TIAM1: variants seen among roughly 807,000 people sequenced by gnomAD.
The protein encoded by TIAM1 is TIAM Rac1 associated GEF 1.
A neutral mutation model predicts 163.5 loss-of-function variants in TIAM1; 65 were observed. That is an observed-to-expected ratio of 0.40 (90% CI 0.33 to 0.49). The LOEUF is 0.49. Among genes scored for constraint, TIAM1 ranks in the 20% least tolerant of loss-of-function variants. The pLI is 0.77. For missense variants in TIAM1, 1,789 were observed against 2,044.7 expected, an observed-to-expected ratio of 0.87 and a Z score of 2.41; for synonymous variants, 833 against 810.1, an observed-to-expected ratio of 1.03 and a Z score of -0.48.
At chr21:31,504,249 C>T (rs964034715) in intron 1 of TIAM1, among the ~76,000 whole-genome samples, 1 of 152,148 alleles carries the variant, frequency 6.6e-6, no homozygotes, top group African/African-American at 2.4e-5. Context: ...AGAGGGGTTG[C>T]CTTTGCAGGT....
intron 2 of TIAM1, among the ~76,000 whole-genome samples, chr21:31,399,665 G>C (rs534552436): frequency 6.6e-6 from 1 of 152,202 alleles, no homozygotes; most frequent in Non-Finnish European, 1.5e-5. Flanking sequence ...CTGTTACAAA[G>C]AGGTGTTATC....
chr21:31,156,447 T>C (rs145080189), intron 16 of TIAM1, among the ~76,000 whole-genome samples: 7 of 152,336 alleles, frequency 4.6e-5, no homozygotes, highest in African/African-American at 7.2e-5. Context: ...CTCAGCTCTA[T>C]GGTATGTAAA....
intron 1 of TIAM1, among the ~76,000 whole-genome samples, chr21:31,492,186 A>G (rs1221426454): frequency 6.6e-6 from 1 of 152,250 alleles, no homozygotes; most frequent in Non-Finnish European, 1.5e-5. Context: ...GGAGAAGTCA[A>G]GCTGGGAACT....
chr21:31,438,568 T>C (rs1250815393), intron 2 of TIAM1, among the ~76,000 whole-genome samples: 1 of 152,138 alleles, frequency 6.6e-6, no homozygotes, highest in Admixed American at 6.6e-5. Context: ...TGAAAAGATC[T>C]GTGCACAAAC....
intron 11 of TIAM1, 138 bp downstream of exon 11, chr21:31,209,907 T>C (rs2086637939): frequency 2.4e-6 from 2 of 833,984 alleles, no homozygotes. Context: ...AGGAATGCAA[T>C]GCTGCTCCGA....
chr21:31,185,259 G>C (rs560729667), intron 14 of TIAM1, among the ~76,000 whole-genome samples: 1 of 151,624 alleles, frequency 6.6e-6, no homozygotes, highest in African/African-American at 2.4e-5. Flanking sequence ...ATAGTGGGTC[G>C]AATAGAGTCC....
chr21:31,461,285 A>C (rs1020741320), intron 2 of TIAM1, among the ~76,000 whole-genome samples: 2 of 152,116 alleles, frequency 1.3e-5, no homozygotes, highest in Non-Finnish European at 2.9e-5. Context: ...GGAGTTCGAA[A>C]TCAGCCTGGT....
chr21:31,242,869 A>G (rs909684315), intron 6 of TIAM1, among the ~76,000 whole-genome samples: 8 of 150,202 alleles, frequency 5.3e-5, no homozygotes, highest in African/African-American at 1.9e-4. Context: ...TCAAAAAAAA[A>G]AAAAAAAAAA....
Position 31,516,404 on chromosome 21 carries a change from T to C in TIAM1, c.-422+42523A>G, listed in dbSNP as rs376676741. ...TCCAGTCTGGGTGACAAAGAGAGAC[T>C]CTGTCTCAAAACAATAAATAAAATT... is the stretch of plus-strand genomic sequence containing the variant. On this transcript the variant is annotated intron_variant, in intron 1 of 28. Transcript: ENST00000286827. 6.6e-5 allele frequency among the ~76,000 whole-genome samples: 10 copies of C among 152,184 alleles called. No individual in the cohort carries two copies. The East Asian group carries it at 1.5e-3, about 24-fold the overall frequency.
chr21:31,349,857 GA>G (rs937711437), intron 2 of TIAM1, among the ~76,000 whole-genome samples: 35 of 152,284 alleles, frequency 2.3e-4, no homozygotes, highest in African/African-American at 7.9e-4. Flanking sequence ...GGTAAAGTGG[GA>G]ACTTAAAATA....
At chr21:31,299,349 T>A (rs1010235660) in intron 2 of TIAM1, among the ~76,000 whole-genome samples, 1 of 152,194 alleles carries the variant, frequency 6.6e-6, no homozygotes, top group Non-Finnish European at 1.5e-5. Context: ...TTCCATGACA[T>A]TTCTGAGAAG....
chr21:31,388,226 C>T (rs1317769753), intron 2 of TIAM1, among the ~76,000 whole-genome samples: 1 of 75,614 alleles, frequency 1.3e-5, no homozygotes, highest in Non-Finnish European at 2.8e-5. Context: ...CACACACACA[C>T]ACACACACAC....
chr21:31,333,127 A>G (rs1444554754), intron 2 of TIAM1, among the ~76,000 whole-genome samples: 3 of 152,146 alleles, frequency 2.0e-5, no homozygotes, highest in African/African-American at 7.2e-5. Context: ...TGCACTGTTC[A>G]CTACTTGAGC....
At chr21:31,288,201 A>G (rs1417693466) in intron 2 of TIAM1, among the ~76,000 whole-genome samples, 2 of 152,338 alleles carry the variant, frequency 1.3e-5, no homozygotes, top group East Asian at 3.9e-4. Context: ...GACCTCAAAA[A>G]CAAAGGACTG....
At chr21:31,383,807 C>T (rs550342519) in intron 2 of TIAM1, among the ~76,000 whole-genome samples, 1 of 152,284 alleles carries the variant, frequency 6.6e-6, no homozygotes, top group African/African-American at 2.4e-5. Flanking sequence ...ATGTGGGGCA[C>T]TCGATTTCTT....
At chr21:31,334,603 C>T (rs2075783365) in intron 2 of TIAM1, among the ~76,000 whole-genome samples, 1 of 152,176 alleles carries the variant, frequency 6.6e-6, no homozygotes, top group Non-Finnish European at 1.5e-5. Flanking sequence ...CTAACCCAGG[C>T]CTCTGGAAAG....
chr21:31,306,023 C>T (rs1213899394), intron 2 of TIAM1, among the ~76,000 whole-genome samples: 2 of 152,128 alleles, frequency 1.3e-5, no homozygotes, highest in African/African-American at 4.8e-5. Flanking sequence ...GACAGAGGAG[C>T]ACACTTGAAG....
intron 2 of TIAM1, among the ~76,000 whole-genome samples, chr21:31,410,350 G>A (rs916104809): frequency 1.3e-5 from 2 of 152,160 alleles, no homozygotes; most frequent in East Asian, 3.9e-4. Flanking sequence ...GAGTGTGTGT[G>A]TGTATGTGTG....
intron 1 of TIAM1, among the ~76,000 whole-genome samples, chr21:31,541,330 G>A (rs558673229): frequency 1.3e-5 from 2 of 152,006 alleles, no homozygotes; most frequent in African/African-American, 2.4e-5. Flanking sequence ...GGTGGTGCCC[G>A]CCTGTAGTCC....
Sources: allele counts gnomAD v4.1 joint callset (sites outside exome capture counted in the v4.1 genomes callset), GRCh38; gene constraint gnomAD v4.1.1; transcripts MANE v1.5; gene names NCBI Gene and HGNC (gene_info 2026-07-23, HGNC 2026-07-21).